GRID2: variants seen among roughly 807,000 people sequenced by gnomAD.
GRID2 encodes glutamate ionotropic receptor delta type subunit 2.
Under a neutral mutation model 114.8 loss-of-function variants are expected in GRID2, and 33 were observed. The ratio of observed to expected loss-of-function variants is 0.29; its 90% CI spans 0.22 to 0.38. The LOEUF (loss-of-function observed/expected upper bound fraction) is 0.38, where lower values mean the gene tolerates loss of function less well. GRID2 is among the 10% of genes least tolerant of loss of function. The probability of loss-of-function intolerance (pLI) is 1.00; values close to 1 mark genes in which losing one functional copy is unlikely to be tolerated. For synonymous variants in GRID2, 505 were observed against 449.9 expected, an observed-to-expected ratio of 1.12 and a Z score of -1.55; for missense variants, 1,184 against 1,257.7, an observed-to-expected ratio of 0.94 and a Z score of 0.89.
At chr4:93,312,741 G>A (rs890722905) in intron 8 of GRID2, among the ~76,000 whole-genome samples, 1 of 152,084 alleles carries the variant, frequency 6.6e-6, no homozygotes, top group Admixed American at 6.6e-5. Flanking sequence ...TTGCTAATTG[G>A]AATTTTGATG....
chr4:92,423,022 G>A (rs1238596067), intron 1 of GRID2, among the ~76,000 whole-genome samples: 1 of 152,092 alleles, frequency 6.6e-6, no homozygotes, highest in Non-Finnish European at 1.5e-5. Flanking sequence ...CTCCCTTTGG[G>A]TTTTAAAACA....
At chr4:92,416,093 C>T (rs1177754418) in intron 1 of GRID2, among the ~76,000 whole-genome samples, 1 of 151,916 alleles carries the variant, frequency 6.6e-6, no homozygotes, top group Admixed American at 6.6e-5. Flanking sequence ...TTACTTATGG[C>T]CATTCTTGCA....
chr4:92,910,036 G>A lies in GRID2; in HGVS notation c.245-174959G>A, dbSNP rs560179765. Among the ~76,000 whole-genome samples, 4 of 152,102 alleles carry A rather than the reference G, an allele frequency of 2.6e-5. No homozygotes were observed. The East Asian group carries it at 7.8e-4, about 30-fold the overall frequency. ...GAGTTAACCAAAAGAGAGGAAAGGA[G>A]GAAAGGATTTCCAGGCTTGGTGGTA... On this transcript the variant is annotated intron_variant, in intron 2 of 15. Transcript: ENST00000282020.
At chr4:92,952,218 A>C (rs1005510023) in intron 2 of GRID2, among the ~76,000 whole-genome samples, 6 of 152,174 alleles carry the variant, frequency 3.9e-5, no homozygotes, top group Non-Finnish European at 7.4e-5. Context: ...AAATTTGTAA[A>C]TCTTTATTAT....
intron 2 of GRID2, among the ~76,000 whole-genome samples, chr4:92,943,942 G>A (rs377248631): frequency 1.3e-5 from 2 of 152,288 alleles, no homozygotes; most frequent in African/African-American, 4.8e-5. Flanking sequence ...TGTTCCTCTG[G>A]AAGTTTTGTC....
chr4:92,756,867 A>G (rs1418309276), intron 2 of GRID2, among the ~76,000 whole-genome samples: 4 of 152,018 alleles, frequency 2.6e-5, no homozygotes, highest in Non-Finnish European at 5.9e-5. Flanking sequence ...GTTTCTTGTC[A>G]GATAAAGATT....
chr4:92,529,634 C>T (rs189922646), intron 1 of GRID2, among the ~76,000 whole-genome samples: 55 of 152,206 alleles, frequency 3.6e-4, no homozygotes, highest in Non-Finnish European at 7.1e-4. Flanking sequence ...AGTTGGCCCA[C>T]TAAGCAGGGA....
chr4:92,933,417 C>T (rs551793306), intron 2 of GRID2, among the ~76,000 whole-genome samples: 3 of 151,442 alleles, frequency 2.0e-5, no homozygotes, highest in South Asian at 2.1e-4. Flanking sequence ...AAATTCTATG[C>T]TTCACAAACA....
chr4:93,268,732 A>G (rs1377202073), intron 8 of GRID2, among the ~76,000 whole-genome samples: 1 of 152,208 alleles, frequency 6.6e-6, no homozygotes, highest in African/African-American at 2.4e-5. Flanking sequence ...AAGATTTATT[A>G]AATTATAACC....
intron 2 of GRID2, among the ~76,000 whole-genome samples, chr4:92,939,708 T>G (rs1750949293): frequency 6.8e-6 from 1 of 147,436 alleles, no homozygotes; most frequent in Non-Finnish European, 1.5e-5. Flanking sequence ...GGTCTAACAT[T>G]TAAGTCTTTA....
intron 2 of GRID2, among the ~76,000 whole-genome samples, chr4:93,056,179 GA>G (rs1560833385): frequency 2.6e-5 from 4 of 151,872 alleles, no homozygotes; most frequent in Admixed American, 1.3e-4. Context: ...AACTGAAAAG[GA>G]AAAGTATTTT....
chr4:92,618,845 A>G (rs1393588589), intron 2 of GRID2, among the ~76,000 whole-genome samples: 4 of 151,698 alleles, frequency 2.6e-5, no homozygotes, highest in South Asian at 2.1e-4. Flanking sequence ...TTGTCTGTGT[A>G]CAGAAAGACT....
At chr4:93,779,247 C>G (rs1239492357), downstream of GRID2, among the ~76,000 whole-genome samples, 4 of 149,634 alleles carry the variant, frequency 2.7e-5, no homozygotes, top group African/African-American at 9.9e-5. Flanking sequence ...TATACAGGAA[C>G]TTTAGCAAGG....
At chr4:92,751,822 A>C (rs761168736) in intron 2 of GRID2, among the ~76,000 whole-genome samples, 1 of 152,234 alleles carries the variant, frequency 6.6e-6, no homozygotes, top group Non-Finnish European at 1.5e-5. Flanking sequence ...CAACTCTTTG[A>C]TTAGTAACTA....
At chr4:93,429,558 T>A (rs1481350334) in intron 10 of GRID2, among the ~76,000 whole-genome samples, 2 of 152,188 alleles carry the variant, frequency 1.3e-5, no homozygotes. Context: ...CCTGAGCGTT[T>A]CCACCACCTG....
intron 14 of GRID2, among the ~76,000 whole-genome samples, chr4:93,704,676 G>A (rs1727837320): frequency 6.6e-6 from 1 of 151,926 alleles, no homozygotes; most frequent in Admixed American, 6.6e-5. Context: ...TTCATTTTTA[G>A]CTCCCACTAG....
chr4:93,392,882 A>T (rs1022132372), intron 8 of GRID2, among the ~76,000 whole-genome samples: 2 of 152,032 alleles, frequency 1.3e-5, no homozygotes, highest in African/African-American at 4.8e-5. Flanking sequence ...TATATATGTG[A>T]TCTTAATGAA....
chr4:92,372,298 G>C (rs1336587748), intron 1 of GRID2, among the ~76,000 whole-genome samples: 1 of 152,108 alleles, frequency 6.6e-6, no homozygotes, highest in African/African-American at 2.4e-5. Context: ...CTATCAAATA[G>C]TATTGCATGC....
chr4:92,645,679 G>A (rs938524050), intron 2 of GRID2, among the ~76,000 whole-genome samples: 1 of 151,532 alleles, frequency 6.6e-6, no homozygotes, highest in East Asian at 1.9e-4. Context: ...CCCCATGAGC[G>A]ACCACTATGA....
Sources: gnomAD v4.1 joint callset for allele counts (sites outside exome capture counted in the v4.1 genomes callset) on GRCh38, gnomAD v4.1.1 for gene constraint, MANE v1.5 for transcripts, NCBI Gene and HGNC (gene_info 2026-07-23, HGNC 2026-07-21) for gene names.